The following DPP10 variants were observed in gnomAD, a reference collection of about 807,000 sequenced individuals.
The protein encoded by DPP10 is inactive dipeptidyl peptidase 10.
DPP10 carries 33 observed loss-of-function variants against 120.9 expected under a neutral mutation model. The ratio of observed to expected loss-of-function variants is 0.27; its 90% CI spans 0.21 to 0.37. DPP10 has a LOEUF of 0.37. Ranked by LOEUF, DPP10 falls within the 10% of genes least tolerant of loss-of-function variation. The pLI is 1.00. For synonymous variants in DPP10, 337 were observed against 326.1 expected, an observed-to-expected ratio of 1.03 and a Z score of -0.36; for missense variants, 816 against 942.8, an observed-to-expected ratio of 0.87 and a Z score of 1.76.
At chr2:114,823,206 G>A (rs879750804) in intron 1 of DPP10, among the ~76,000 whole-genome samples, 1 of 152,172 alleles carries the variant, frequency 6.6e-6, no homozygotes, top group African/African-American at 2.4e-5. Flanking sequence ...CCTCAGGAAA[G>A]TTACAATCCT....
At chr2:114,455,945 G>A (rs1678562845) in intron 1 of DPP10, among the ~76,000 whole-genome samples, 1 of 152,132 alleles carries the variant, frequency 6.6e-6, no homozygotes, top group South Asian at 2.1e-4. Context: ...GACTCCTTAT[G>A]TCATGGAGGC....
intron 1 of DPP10, among the ~76,000 whole-genome samples, chr2:114,494,985 A>G (rs1176727456): frequency 1.3e-5 from 2 of 152,056 alleles, no homozygotes; most frequent in African/African-American, 2.4e-5. Context: ...GAAGTTTTCT[A>G]TCAGCGCTTT....
intron 3 of DPP10, among the ~76,000 whole-genome samples, chr2:115,355,773 T>C (rs980179362): frequency 6.6e-6 from 1 of 152,256 alleles, no homozygotes; most frequent in Non-Finnish European, 1.5e-5. Flanking sequence ...TTTCTGCATA[T>C]GGCTAGTCAG....
At chr2:114,978,205 A>G (rs972879764) in intron 1 of DPP10, among the ~76,000 whole-genome samples, 3 of 152,222 alleles carry the variant, frequency 2.0e-5, no homozygotes, top group East Asian at 1.9e-4. Flanking sequence ...TTCCTGTCCA[A>G]TATGGTTACC....
At chr2:115,080,172 C>T (rs995426053) in intron 1 of DPP10, among the ~76,000 whole-genome samples, 1 of 152,098 alleles carries the variant, frequency 6.6e-6, no homozygotes, top group Non-Finnish European at 1.5e-5. Context: ...CACCCATCAC[C>T]AAGCCTGGCT....
chr2:115,279,315 A>T (rs1201045963), intron 1 of DPP10, among the ~76,000 whole-genome samples: 1 of 152,126 alleles, frequency 6.6e-6, no homozygotes, highest in Non-Finnish European at 1.5e-5. Flanking sequence ...AGAAAACAAC[A>T]TTTTACTATG....
chr2:114,979,304 C>T (rs1699944603), intron 1 of DPP10, among the ~76,000 whole-genome samples: 1 of 151,752 alleles, frequency 6.6e-6, no homozygotes, highest in African/African-American at 2.4e-5. Context: ...TTTAAAAATT[C>T]TTCTAAAATC....
At chr2:114,976,471 G>A (rs920582141) in intron 1 of DPP10, among the ~76,000 whole-genome samples, 4 of 152,104 alleles carry the variant, frequency 2.6e-5, no homozygotes, top group African/African-American at 7.2e-5. Flanking sequence ...AATATTCCTC[G>A]AAGGCTTTTC....
intron 1 of DPP10, among the ~76,000 whole-genome samples, chr2:114,502,678 G>A (rs572171779): frequency 6.6e-6 from 1 of 152,094 alleles, no homozygotes; most frequent in Non-Finnish European, 1.5e-5. Flanking sequence ...TACTCCAATC[G>A]AAATATCTTC....
At chr2:114,619,253 T>G (rs1693903177) in intron 1 of DPP10, among the ~76,000 whole-genome samples, 1 of 152,062 alleles carries the variant, frequency 6.6e-6, no homozygotes, top group Non-Finnish European at 1.5e-5. Context: ...AGTAAACTTT[T>G]CAGTGGCAGT....
chr2:114,710,698 T>G (rs1318844978), intron 1 of DPP10, among the ~76,000 whole-genome samples: 1 of 152,058 alleles, frequency 6.6e-6, no homozygotes, highest in Non-Finnish European at 1.5e-5. Context: ...ACAGTTGAGA[T>G]CATGACACTG....
intron 2 of DPP10, among the ~76,000 whole-genome samples, chr2:115,332,674 T>C (rs992230857): frequency 2.0e-5 from 3 of 152,120 alleles, no homozygotes; most frequent in Non-Finnish European, 2.9e-5. Context: ...GCCTTCATTT[T>C]GTTATGTACC....
At chr2:114,735,948 C>G (rs1164468957) in intron 1 of DPP10, among the ~76,000 whole-genome samples, 2 of 152,052 alleles carry the variant, frequency 1.3e-5, no homozygotes, top group African/African-American at 4.8e-5. Flanking sequence ...CTACTACCAT[C>G]TAAGTATAGT....
intron 1 of DPP10, among the ~76,000 whole-genome samples, chr2:114,751,039 C>G (rs1237099555): frequency 6.6e-6 from 1 of 152,138 alleles, no homozygotes; most frequent in Admixed American, 6.6e-5. Context: ...TTAATTAGCA[C>G]CAAACAAAGA....
At chr2:115,520,712 C>A (rs574843909) in intron 4 of DPP10, among the ~76,000 whole-genome samples, 1 of 152,250 alleles carries the variant, frequency 6.6e-6, no homozygotes, top group African/African-American at 2.4e-5. Flanking sequence ...TCAGTCTTTT[C>A]TCAGTCTCAA....
chr2:114,884,570 T>C (rs941895202), intron 1 of DPP10, among the ~76,000 whole-genome samples: 9 of 152,174 alleles, frequency 5.9e-5, no homozygotes, highest in African/African-American at 2.2e-4. Context: ...TGTTTTTTTA[T>C]TTCAATAGGT....
In DPP10 at chr2:115,159,264, C is replaced by T. The variant is rs80251033; in HGVS notation, c.61-149975C>T. Among the ~76,000 whole-genome samples the T allele has an allele frequency of 9.8e-3, 1,494 of 152,146 alleles. 91 individuals carry two copies. The East Asian group carries it at 0.16, about 16-fold the overall frequency. ...ACTAGGTCAGGAGATCGAGACAATG[C>T]CGGCTAACACGGTGAAACCCCGTCT... On this transcript the variant is annotated intron_variant, in intron 1 of 25. Coordinates refer to ENST00000410059, the MANE Select transcript of DPP10 (RefSeq NM_020868.6).
chr2:114,448,105 T>C (rs1206031361), intron 1 of DPP10, among the ~76,000 whole-genome samples: 3 of 152,166 alleles, frequency 2.0e-5, no homozygotes, highest in Non-Finnish European at 4.4e-5. Context: ...TGAAGCATTA[T>C]AGTTTTTTTT....
In DPP10 at chr2:115,020,099, A is replaced by G. The variant is rs139018379; in HGVS notation, c.61-289140A>G. Reference sequence around the variant, plus strand: ...GAGTTATATAACAATAACACAGTAGAAAAAAAACCCAAGTTATTCAGACAA... The same window carrying G: ...GAGTTATATAACAATAACACAGTAGGAAAAAAACCCAAGTTATTCAGACAA... On this transcript the variant is annotated intron_variant, in intron 1 of 25. Transcript: ENST00000410059. Among the ~76,000 whole-genome samples the G allele has an allele frequency of 2.6e-3, 400 of 152,126 alleles. 1 individual carries two copies. Among genetic ancestry groups the G allele is most frequent in the African/African-American group, 9.1e-3 (376 of 41,512 alleles).
Sources: gnomAD v4.1 joint callset for allele counts (sites outside exome capture counted in the v4.1 genomes callset) on GRCh38, gnomAD v4.1.1 for gene constraint, MANE v1.5 for transcripts, NCBI Gene and HGNC (gene_info 2026-07-23, HGNC 2026-07-21) for gene names.